The following FILIP1L variants were observed in gnomAD, a reference collection of about 807,000 sequenced individuals.
FILIP1L encodes the protein filamin A-interacting protein 1-like.
FILIP1L carries 55 observed loss-of-function variants against 96.6 expected under a neutral mutation model. The ratio of observed to expected loss-of-function variants is 0.57; its 90% CI spans 0.46 to 0.71. The LOEUF (loss-of-function observed/expected upper bound fraction) is 0.71, where lower values mean the gene tolerates loss of function less well. FILIP1L is among the 30% of genes least tolerant of loss of function. The pLI, the probability that FILIP1L is intolerant of heterozygous loss-of-function variation, is 0.00. For synonymous variants in FILIP1L, 467 were observed against 473.9 expected (o/e 0.99, Z 0.19); for missense variants, 1,304 against 1,321.2 (o/e 0.99, Z 0.20).
intron 4 of FILIP1L, among the ~76,000 whole-genome samples, chr3:99,857,149 T>C (rs530570578): frequency 7.3e-4 from 111 of 152,278 alleles, no homozygotes; most frequent in Non-Finnish European, 8.7e-4. Context: ...AAAAATACTG[T>C]AGCACTGTCC....
chr3:100,074,934 T>G (rs1174231273), intron 1 of FILIP1L, among the ~76,000 whole-genome samples: 1 of 152,068 alleles, frequency 6.6e-6, no homozygotes, highest in East Asian at 1.9e-4. Context: ...CCTCAAGTGA[T>G]CCACCAGCCT....
At chr3:100,010,778 A>ATTTTTTTTTTTTTTTTTTT (rs11371196) in intron 1 of FILIP1L, among the ~76,000 whole-genome samples, 4 of 93,678 alleles carry the variant, frequency 4.3e-5, no homozygotes, top group Non-Finnish European at 5.9e-5. Context: ...CCACGCCCGG[A>ATTTTTTTTTTTTTTTTTTT]TTTTTTTTTT....
intron 1 of FILIP1L, among the ~76,000 whole-genome samples, chr3:100,076,225 T>C (rs953397031): frequency 3.3e-5 from 5 of 152,250 alleles, no homozygotes; most frequent in African/African-American, 9.6e-5. Flanking sequence ...CAGTGGAGGC[T>C]TGTCTGTTTC....
At chr3:100,039,992 A>G in intron 1 of FILIP1L, 1 of 152,320 alleles carries the variant, frequency 6.6e-6, no homozygotes, top group Middle Eastern at 3.4e-3. Context: ...TGACCTCATC[A>G]TCCGCCCACC....
chr3:99,973,044 C>T (rs988148629), intron 1 of FILIP1L, among the ~76,000 whole-genome samples: 1 of 151,902 alleles, frequency 6.6e-6, no homozygotes, highest in Non-Finnish European at 1.5e-5. Context: ...TATCTGTTCA[C>T]AAAATTAGGT....
At chr3:99,837,656 C>T (rs530599457) in intron 5 of FILIP1L, among the ~76,000 whole-genome samples, 4 of 152,304 alleles carry the variant, frequency 2.6e-5, no homozygotes, top group Middle Eastern at 3.4e-3. Flanking sequence ...TGGAGACTGA[C>T]AGGGTTGAAC....
chr3:100,078,078 T>TAA (rs538006223), intron 1 of FILIP1L, among the ~76,000 whole-genome samples: 2 of 146,038 alleles, frequency 1.4e-5, no homozygotes, highest in African/African-American at 5.0e-5. Flanking sequence ...GGGCTTGCTT[T>TAA]AAAAAAAAAA....
chr3:99,998,738 T>G (rs1267451476), intron 1 of FILIP1L, among the ~76,000 whole-genome samples: 1 of 152,130 alleles, frequency 6.6e-6, no homozygotes, highest in East Asian at 1.9e-4. Context: ...CAATTTTTTG[T>G]TTTTGTATTT....
Position 100,106,760 on chromosome 3 carries a change from T to G in FILIP1L, c.-11+7293A>C, listed in dbSNP as rs574719645. Among the ~76,000 whole-genome samples, 5 of 152,320 alleles carry G rather than the reference T, an allele frequency of 3.3e-5. No homozygotes were observed. In the South Asian group the frequency reaches 1.0e-3, roughly 32 times the overall value. On this transcript the variant is annotated intron_variant, in intron 1 of 5. Transcript: ENST00000477258. Reference sequence around the variant, plus strand: ...TACCCCATCTGATTCACTCAAATTGTGTCTAACTGGTGGTTGTACTACTCC... The same window carrying G: ...TACCCCATCTGATTCACTCAAATTGGGTCTAACTGGTGGTTGTACTACTCC...
intron 1 of FILIP1L, chr3:100,040,387 A>G (rs1575976805): frequency 6.6e-6 from 1 of 152,216 alleles, no homozygotes; most frequent in African/African-American, 2.4e-5. Context: ...AATCATTTGT[A>G]TAGTTCCAGA....
chr3:100,092,232 T>C (rs2066122682), intron 1 of FILIP1L, among the ~76,000 whole-genome samples: 1 of 152,176 alleles, frequency 6.6e-6, no homozygotes, highest in Non-Finnish European at 1.5e-5. Flanking sequence ...TATAACAGTA[T>C]TAAATAAGAA....
chr3:100,071,090 CTTTTTTTTT>C (rs61563009), intron 1 of FILIP1L, among the ~76,000 whole-genome samples: 3 of 70,588 alleles, frequency 4.3e-5, no homozygotes, highest in Admixed American at 1.5e-4. Context: ...GCTACTCTCT[CTTTTTTTTT>C]TTTTTTTTTT....
At chr3:99,847,950 G>A in intron 5 of FILIP1L, 4 of 1,016,028 alleles carry the variant, frequency 3.9e-6, no homozygotes, top group Non-Finnish European at 4.7e-6. Context: ...ATTATTTACT[G>A]TTTTATAATG....
intron 1 of FILIP1L, among the ~76,000 whole-genome samples, chr3:100,097,573 C>A (rs1169448509): frequency 6.6e-6 from 1 of 152,058 alleles, no homozygotes; most frequent in Non-Finnish European, 1.5e-5. Context: ...AGTATACAAG[C>A]CTATATATAT....
At chr3:99,874,784 T>A (rs1342904565) in intron 4 of FILIP1L, among the ~76,000 whole-genome samples, 1 of 152,246 alleles carries the variant, frequency 6.6e-6, no homozygotes, top group Non-Finnish European at 1.5e-5. Context: ...AAATCTGGGA[T>A]CTGACATTTT....
At chr3:99,909,083 G>C (rs1024535258) in intron 4 of FILIP1L, among the ~76,000 whole-genome samples, 1 of 152,198 alleles carries the variant, frequency 6.6e-6, no homozygotes, top group East Asian at 1.9e-4. Context: ...CCTGGAAAAT[G>C]TAAGAACCAA....
chr3:99,932,936 G>A (rs1373140601), intron 1 of FILIP1L, among the ~76,000 whole-genome samples: 1 of 152,134 alleles, frequency 6.6e-6, no homozygotes, highest in East Asian at 1.9e-4. Context: ...GACCTGATCT[G>A]GAAGTGAGGG....
intron 1 of FILIP1L, among the ~76,000 whole-genome samples, chr3:100,005,324 GA>G: frequency 6.6e-6 from 1 of 152,308 alleles, no homozygotes; most frequent in South Asian, 2.1e-4. Flanking sequence ...AGGCTGTCTT[GA>G]AAAAGGTGAA....
At chr3:99,921,106 T>C (rs1322000830) in intron 4 of FILIP1L, among the ~76,000 whole-genome samples, 1 of 152,192 alleles carries the variant, frequency 6.6e-6, no homozygotes, top group Non-Finnish European at 1.5e-5. Context: ...ACATTGTTCT[T>C]TGACCCTTCA....
Sources: allele counts gnomAD v4.1 joint callset (sites outside exome capture counted in the v4.1 genomes callset), GRCh38; gene constraint gnomAD v4.1.1; transcripts MANE v1.5; gene names NCBI Gene and HGNC (gene_info 2026-07-23, HGNC 2026-07-21).